Variants in FBLN7 observed in about 807,000 individuals in gnomAD.
FBLN7 encodes fibulin-7.
In FBLN7, 31 loss-of-function variants were observed where a neutral mutation model predicts 44.0. The ratio of observed to expected loss-of-function variants is 0.70; its 90% confidence interval spans 0.53 to 0.95. The LOEUF (loss-of-function observed/expected upper bound fraction) is 0.95. FBLN7 is among the 40% of genes least tolerant of loss of function. The probability of loss-of-function intolerance (pLI) is 0.00; values close to 1 mark genes in which losing one functional copy is unlikely to be tolerated. For missense variants in FBLN7, 573 were observed against 618.5 expected (o/e 0.93, Z 0.78); for synonymous variants, 262 against 253.4 (o/e 1.03, Z -0.32).
the FBLN7 span, among the ~76,000 whole-genome samples, chr2:112,207,618 AAG>A: frequency 6.6e-6 from 1 of 152,160 alleles, no homozygotes; most frequent in Non-Finnish European, 1.5e-5. Context: ...AGGAGTGTTG[AAG>A]TTACCAAATA....
At chr2:112,224,718 G>C in the FBLN7 span, among the ~76,000 whole-genome samples, 5 of 152,204 alleles carry the variant, frequency 3.3e-5, no homozygotes, top group Non-Finnish European at 7.3e-5. Flanking sequence ...AAAGACACAA[G>C]AGTGTAGACT....
the FBLN7 span, chr2:112,240,582 C>T: frequency 6.6e-6 from 1 of 152,144 alleles, no homozygotes; most frequent in Non-Finnish European, 1.5e-5. Flanking sequence ...GAAGCAGACT[C>T]CTTTTACGAC....
At chr2:112,201,083 T>G in the FBLN7 span, among the ~76,000 whole-genome samples, 6 of 151,968 alleles carry the variant, frequency 3.9e-5, no homozygotes, top group Non-Finnish European at 7.4e-5. Context: ...AGTGTGAGGG[T>G]TGCTGAGATC....
chr2:112,234,422 C>T, the FBLN7 span, among the ~76,000 whole-genome samples: 1 of 152,322 alleles, frequency 6.6e-6, no homozygotes, highest in African/African-American at 2.4e-5. Context: ...GTTTCAACAG[C>T]ATTCCATCAT....
chr2:112,205,410 T>TA, the FBLN7 span, among the ~76,000 whole-genome samples: 144 of 150,606 alleles, frequency 9.6e-4, 1 homozygote, highest in South Asian at 0.015. Flanking sequence ...GAGTAACTAC[T>TA]AAAAAAACTA....
intron 1 of FBLN7, among the ~76,000 whole-genome samples, chr2:112,146,366 A>G (rs1680897426): frequency 6.6e-6 from 1 of 152,222 alleles, no homozygotes. Flanking sequence ...TGGAATTTGT[A>G]TTGGGATTGC....
chr2:112,154,250 TTTA>T lies in FBLN7; in HGVS notation c.76-5423_76-5421del, dbSNP rs1169390765. Among the ~76,000 whole-genome samples the T allele has an allele frequency of 8.5e-5, 13 of 152,392 alleles. No individual in the cohort carries two copies. In the South Asian group the frequency reaches 2.5e-3, roughly 29 times the overall value. On this transcript the variant is annotated intron_variant, in intron 1 of 7. Transcript: ENST00000331203. ...AAGAAATGGAAACTATTCGTCATTA[TTTA>T]TTGTCAATGACATAAGTTGGGCCAC...
chr2:112,140,311 C>T (rs531127549), intron 1 of FBLN7, among the ~76,000 whole-genome samples: 1 of 151,832 alleles, frequency 6.6e-6, no homozygotes, highest in African/African-American at 2.4e-5. Flanking sequence ...AGGTCAGTGT[C>T]CCTCCTGCCT....
intron 1 of FBLN7, among the ~76,000 whole-genome samples, chr2:112,154,506 C>T (rs1681316879): frequency 1.3e-5 from 2 of 152,138 alleles, no homozygotes; most frequent in Non-Finnish European, 2.9e-5. Flanking sequence ...TCACCCACTC[C>T]CACCTTGGAG....
intron 1 of FBLN7, among the ~76,000 whole-genome samples, chr2:112,146,245 G>A (rs190268041): frequency 5.6e-4 from 85 of 152,280 alleles, no homozygotes; most frequent in Non-Finnish European, 1.0e-3. Context: ...GCTTGAACCC[G>A]GGAGGCAGAG....
intron 2 of FBLN7, among the ~76,000 whole-genome samples, chr2:112,160,246 T>A (rs1032350617): frequency 4.6e-5 from 7 of 152,156 alleles, no homozygotes; most frequent in Non-Finnish European, 7.4e-5. Context: ...CGCCTCGGCC[T>A]CCCAAAGTGC....
the FBLN7 span, among the ~76,000 whole-genome samples, chr2:112,241,445 C>T: frequency 6.6e-6 from 1 of 152,250 alleles, no homozygotes; most frequent in African/African-American, 2.4e-5. Context: ...AGAGACCCCC[C>T]CCTCAAGGGC....
the FBLN7 span, among the ~76,000 whole-genome samples, chr2:112,202,087 C>T: frequency 6.6e-6 from 1 of 152,096 alleles, no homozygotes; most frequent in African/African-American, 2.4e-5. Context: ...ATATTTAAGA[C>T]TTATGGGAAT....
the FBLN7 span, among the ~76,000 whole-genome samples, chr2:112,226,631 G>A: frequency 2.7e-5 from 4 of 145,994 alleles, no homozygotes; most frequent in South Asian, 6.4e-4. Flanking sequence ...TCTTACTGGT[G>A]AATTAAAGGA....
chr2:112,215,557 G>C, the FBLN7 span: 1 of 152,178 alleles, frequency 6.6e-6, no homozygotes, highest in South Asian at 2.1e-4. Context: ...GGTGTACTCT[G>C]TATGTCCAGC....
the FBLN7 span, chr2:112,212,997 C>T: frequency 1.0e-5 from 1 of 99,848 alleles, no homozygotes; most frequent in South Asian, 3.4e-4. Flanking sequence ...TTATAAGAGA[C>T]AAGGCTCTGT....
the FBLN7 span, among the ~76,000 whole-genome samples, chr2:112,194,291 A>G: frequency 3.3e-5 from 5 of 152,258 alleles, no homozygotes; most frequent in Non-Finnish European, 7.3e-5. Context: ...TTTCATATGT[A>G]CAAGCTAAGA....
chr2:112,220,942 C>T, the FBLN7 span, among the ~76,000 whole-genome samples: 3 of 152,170 alleles, frequency 2.0e-5, no homozygotes, highest in Admixed American at 6.5e-5. Flanking sequence ...TGAGGATGAT[C>T]TTCTTGTGTA....
At chr2:112,221,026 T>C in the FBLN7 span, among the ~76,000 whole-genome samples, 1 of 152,344 alleles carries the variant, frequency 6.6e-6, no homozygotes, top group Admixed American at 6.5e-5. Context: ...GAAATTTTCA[T>C]GGACAATATC....
Sources: gnomAD v4.1 joint callset for allele counts (sites outside exome capture counted in the v4.1 genomes callset) on GRCh38, gnomAD v4.1.1 for gene constraint, MANE v1.5 for transcripts, NCBI Gene and HGNC (gene_info 2026-07-23, HGNC 2026-07-21) for gene names.